Variants in ITPKC observed in about 807,000 individuals in gnomAD.
The protein encoded by ITPKC is inositol-trisphosphate 3-kinase C.
A neutral mutation model predicts 67.1 loss-of-function variants in ITPKC; 33 were observed. The observed-to-expected ratio is 0.49, with a 90% CI of 0.37 to 0.66. The LOEUF (loss-of-function observed/expected upper bound fraction) is 0.66, where lower values mean the gene tolerates loss of function less well. Ranked by LOEUF, ITPKC falls within the 30% of genes least tolerant of loss-of-function variation. ITPKC has a pLI of 0.00. For synonymous variants in ITPKC, 341 were observed against 359.8 expected (o/e 0.95, Z 0.59); for missense variants, 820 against 892.1 (o/e 0.92, Z 1.03).
intron 5 of ITPKC, 34 bp downstream of exon 5, chr19:40,737,121 G>A: frequency 7.8e-7 from 1 of 1,286,302 alleles, no homozygotes; most frequent in African/African-American, 1.5e-5. Context: ...GAATGTAGCA[G>A]CTTAAGACAG....
chr19:40,717,526 C>T lies in ITPKC; in HGVS notation c.391C>T (p.Leu131=). The change falls in exon 1 of 7, where the codon CTG becomes TTG. Residue 131 remains leucine (L), a synonymous_variant. Coordinates refer to ENST00000263370, the MANE Select transcript of ITPKC (RefSeq NM_025194.3). ...RTHLEWSWSE[L]ETTCLWTETG... ...GCATCTAGAATGGAGCTGGTCAGAGCTGGAGACGACTTGTCTTTGGACGGA... is the reference window on the plus strand; with the variant it reads ...GCATCTAGAATGGAGCTGGTCAGAGTTGGAGACGACTTGTCTTTGGACGGA... The T allele has an allele frequency of 6.2e-7, 1 of 1,614,130 alleles. No individual in the cohort carries two copies. The highest frequency in any genetic ancestry group is 8.5e-7 in the Non-Finnish European group (1 of 1,180,010).
intron 2 of ITPKC, among the ~76,000 whole-genome samples, chr19:40,725,923 G>A (rs2082244468): frequency 6.6e-6 from 1 of 151,668 alleles, no homozygotes; most frequent in African/African-American, 2.4e-5. Context: ...AGGCAATATA[G>A]TGAGACCCCG....
chr19:40,717,786 A>C lies in ITPKC; in HGVS notation c.651A>C (p.Pro217=), dbSNP rs377622677. 5 of 1,613,922 alleles carry C rather than the reference A, an allele frequency of 3.1e-6. No homozygotes were observed. The African/African-American group carries it at 4.0e-5, about 13-fold the overall frequency. Residue 217 remains proline, a synonymous_variant, in exon 1 of 7, where the codon CCA becomes CCC. Coordinates refer to ENST00000263370, the MANE Select transcript of ITPKC (RefSeq NM_025194.3). ...HPEGACPSKE[P]SADGSWKELY... is the part of the protein sequence containing the mutation. The stretch of plus-strand genomic sequence containing the variant: ...AAGGAGCCTGTCCCTCAAAAGAGCC[A>C]AGTGCTGATGGCTCCTGGAAAGAAT...
chr19:40,729,949 T>A (rs1450126478), intron 3 of ITPKC, among the ~76,000 whole-genome samples: 1 of 152,156 alleles, frequency 6.6e-6, no homozygotes, highest in African/African-American at 2.4e-5. Context: ...GATCCCTTTT[T>A]TTCCTCTTTG....
rs887124994 is a variant in ITPKC, at chr19:40,717,142, C to A, written c.7C>A (p.Arg3Ser). The A allele has an allele frequency of 2.4e-5, 29 of 1,226,576 alleles. No individual in the cohort carries two copies. Among genetic ancestry groups the A allele is most frequent in the Non-Finnish European group, 2.9e-5 (29 of 984,690 alleles). 76.0% of individuals were successfully genotyped at this position (1,226,576 alleles called of 1,614,324 possible). A position where few individuals can be genotyped will look rare whatever the true frequency, so the allele number is the denominator to read the frequency against. ...CCGAACCGAAGGAGCGGGCATGAGG[C>A]GCTGCCCGTGCCGTGGGAGCCTGAA... The part of the protein sequence containing the change: MR[R>S]CPCRGSLNEA... Residue 3 changes from arginine to serine, a missense_variant, in exon 1 of 7, where the codon CGC becomes AGC. Coordinates refer to ENST00000263370, the MANE Select transcript of ITPKC (RefSeq NM_025194.3).
intron 1 of ITPKC, among the ~76,000 whole-genome samples, chr19:40,723,500 G>GTT (rs11286390): frequency 2.7e-5 from 4 of 147,538 alleles, no homozygotes; most frequent in Admixed American, 6.7e-5. Context: ...TATTTGTTTT[G>GTT]TTTTTTTTTT....
Position 40,717,490 on chromosome 19 carries a change from A to G in ITPKC, c.355A>G (p.Ser119Gly), listed in dbSNP as rs1271779340. The change falls in exon 1 of 7, where the codon AGC (serine) becomes GGC (glycine). Residue 119 changes from serine to glycine, a missense_variant. This residue lies in a region of ITPKC where 481 missense variants were observed against 470.1 expected (regional missense o/e 1.02). Transcript: ENST00000263370. The part of the protein sequence containing the change: ...PKQKTEPDRS[S>G]LRTHLEWSWS... ...GCAAAAGACGGAGCCAGACAGGTCCAGCCTCCGGACGCATCTAGAATGGAG... is the reference window on the plus strand; with the variant it reads ...GCAAAAGACGGAGCCAGACAGGTCCGGCCTCCGGACGCATCTAGAATGGAG... 4.3e-6 allele frequency: 7 copies of G among 1,614,166 alleles called. No individual in the cohort carries two copies. Among genetic ancestry groups the G allele is most frequent in the Non-Finnish European group, 5.9e-6 (7 of 1,180,014 alleles).
In ITPKC at chr19:40,729,205, A is replaced by G. The variant is rs752398741; in HGVS notation, c.1259A>G (p.Asn420Ser). Reference sequence around the variant, plus strand: ...TCATTTATTCTACCACCTTTAGGGAACTTCCAGGCAGGAGAGGATGGTCGG... The same window carrying G: ...TCATTTATTCTACCACCTTTAGGGAGCTTCCAGGCAGGAGAGGATGGTCGG... ...PWVQLSGHAG[N>S]FQAGEDGRIL... The change falls in exon 3 of 7, where the codon AAC becomes AGC. Residue 420 changes from asparagine (N) to serine (S), a missense_variant. Physicochemically the swap from Asn to Ser is conservative, Grantham distance 46 (BLOSUM62 1). This residue lies in a region of ITPKC where 339 missense variants were observed against 422.0 expected (regional missense o/e 0.80). Coordinates refer to ENST00000263370, the MANE Select transcript of ITPKC (RefSeq NM_025194.3). 6.2e-7 allele frequency: 1 copy of G among 1,613,450 alleles called. No homozygotes were observed. The highest frequency in any genetic ancestry group is 1.1e-5 in the South Asian group (1 of 91,058).
At chr19:40,724,686 T>C (rs1360753569) in intron 1 of ITPKC, among the ~76,000 whole-genome samples, 1 of 152,090 alleles carries the variant, frequency 6.6e-6, no homozygotes, top group Non-Finnish European at 1.5e-5. Context: ...TAATGGCTTA[T>C]GCCTGAAACC....
At position 40,724,416 on chromosome 19, in the gene ITPKC, C is replaced by T. The variant is rs931403760; in HGVS notation, c.1156-924C>T. 2.6e-5 allele frequency among the ~76,000 whole-genome samples: 4 copies of T among 152,064 alleles called. No homozygotes were observed. The South Asian group carries it at 8.3e-4, about 32-fold the overall frequency. On this transcript the variant is annotated intron_variant, in intron 1 of 6. Transcript: ENST00000263370. ...AAAACAAAACAAAACAAACAAAAAACAACAATCCCCAGTTCAGGAGGGCAG... is the reference window on the plus strand; with the variant it reads ...AAAACAAAACAAAACAAACAAAAAATAACAATCCCCAGTTCAGGAGGGCAG...
rs181410675 is a variant in ITPKC at position 40,738,297 on chromosome 19, C to T, written c.1848+528C>T. 9.6e-3 allele frequency among the ~76,000 whole-genome samples: 1,462 copies of T among 152,196 alleles called. 36 individuals carry two copies. Among genetic ancestry groups the T allele is most frequent in the African/African-American group, 0.034 (1,401 of 41,534 alleles). ...ACAAAAAATTAGCCGGGCGTGGTGG[C>T]GGGCGCCTGTAGTCCCAGCTACTTG... On this transcript the variant is annotated intron_variant, in intron 6 of 6. Transcript: ENST00000263370.
At chr19:40,718,987 T>A (rs1035172796) in intron 1 of ITPKC, among the ~76,000 whole-genome samples, 1 of 151,982 alleles carries the variant, frequency 6.6e-6, no homozygotes. Context: ...TCTCCCCTGG[T>A]GAATCAGGAG....
At chr19:40,738,173 A>G (rs2082303955) in intron 6 of ITPKC, among the ~76,000 whole-genome samples, 1 of 152,082 alleles carries the variant, frequency 6.6e-6, no homozygotes, top group South Asian at 2.1e-4. Flanking sequence ...TCATGCCTGT[A>G]ATCCCAGCAC....
chr19:40,739,611 A>G lies in ITPKC; in HGVS notation c.*51A>G. ...TGGATGGCGCCAGTCTGGCTGGAGGAGCCCTGAGATGCCATGGGAGGCCTG... is the reference window on the plus strand; with the variant it reads ...TGGATGGCGCCAGTCTGGCTGGAGGGGCCCTGAGATGCCATGGGAGGCCTG... On this transcript the variant is annotated 3_prime_UTR_variant, in exon 7 of 7. Transcript: ENST00000263370. 6.5e-7 allele frequency: 1 copy of G among 1,533,158 alleles called. No individual in the cohort carries two copies. Among genetic ancestry groups the G allele is most frequent in the South Asian group, 1.2e-5 (1 of 85,308 alleles). The allele number at this position is 1,533,158 out of a possible 1,614,324, so 95.0% of individuals were successfully genotyped here. A position where few individuals can be genotyped will look rare whatever the true frequency, so the allele number is the denominator to read the frequency against.
chr19:40,736,015 G>C (rs1026851283), intron 4 of ITPKC, among the ~76,000 whole-genome samples: 2 of 152,228 alleles, frequency 1.3e-5, no homozygotes, highest in Non-Finnish European at 2.9e-5. Flanking sequence ...GAGATGGCCA[G>C]GTGCAGTGGC....
At chr19:40,723,013 G>A (rs1252988682) in intron 1 of ITPKC, among the ~76,000 whole-genome samples, 1 of 151,964 alleles carries the variant, frequency 6.6e-6, no homozygotes, top group Non-Finnish European at 1.5e-5. Flanking sequence ...CCAGGCTGGA[G>A]TGCAGTGGCA....
intron 1 of ITPKC, among the ~76,000 whole-genome samples, chr19:40,723,355 C>G (rs548881687): frequency 6.6e-6 from 1 of 152,322 alleles, no homozygotes; most frequent in East Asian, 1.9e-4. Context: ...CTTGGTTTCC[C>G]AGTGTTGAGA....
At chr19:40,720,204 A>G (rs2561529) in intron 1 of ITPKC, among the ~76,000 whole-genome samples, 14,495 of 151,764 alleles carry the variant, frequency 0.096, 1,002 homozygotes, top group East Asian at 0.21. Flanking sequence ...TGTCTCTACT[A>G]AAATACAAAA....
chr19:40,730,677 T>C lies in ITPKC; in HGVS notation c.1469+1262T>C, dbSNP rs572354571. 9.2e-5 allele frequency among the ~76,000 whole-genome samples: 14 copies of C among 152,186 alleles called. No homozygotes were observed. The East Asian group carries it at 2.7e-3, about 29-fold the overall frequency. ...ACCCCTGAGCTCAAGTGATCCTCCT[T>C]CTTCTGCCCCCTGAGTAGCTGGGAC... On this transcript the variant is annotated intron_variant, in intron 3 of 6. Coordinates refer to ENST00000263370, the MANE Select transcript of ITPKC (RefSeq NM_025194.3).
Sources: gnomAD v4.1 joint callset for allele counts (sites outside exome capture counted in the v4.1 genomes callset) on GRCh38, gnomAD v4.1.1 for gene constraint, gnomAD v4.1.1 regional missense constraint, MANE v1.5 for transcripts, NCBI Gene and HGNC (gene_info 2026-07-23, HGNC 2026-07-21) for gene names.